The following FKBP1B variants were observed in gnomAD, a reference collection of about 807,000 sequenced individuals.
FKBP1B encodes FKBP prolyl isomerase 1B.
FKBP1B carries 4 observed loss-of-function variants against 13.5 expected under a neutral mutation model. The ratio of observed to expected loss-of-function variants is 0.30; its 90% CI spans 0.15 to 0.68. FKBP1B has a LOEUF of 0.68. Among genes scored for constraint, FKBP1B ranks in the 30% least tolerant of loss-of-function variants. The pLI is 0.76. For missense variants in FKBP1B, 93 were observed against 136.2 expected (o/e 0.68, Z 1.58); for synonymous variants, 54 against 53.6 (o/e 1.01, Z -0.03).
chr2:24,061,986 C>T (rs925185483), intron 3 of FKBP1B, among the ~76,000 whole-genome samples: 3 of 152,134 alleles, frequency 2.0e-5, no homozygotes, highest in Admixed American at 6.5e-5. Context: ...TCTTCTGCCT[C>T]AGCCTCCCTA....
upstream of FKBP1B, among the ~76,000 whole-genome samples, chr2:24,044,889 T>TCCC (rs1663565061): frequency 1.4e-5 from 2 of 145,068 alleles, no homozygotes. Context: ...CCTTGATGAA[T>TCCC]CCCCACATCT....
intron 1 of FKBP1B, among the ~76,000 whole-genome samples, chr2:24,053,287 ATTTTTT>A (rs34185660): frequency 2.7e-5 from 3 of 110,106 alleles, no homozygotes; most frequent in Non-Finnish European, 3.6e-5. Context: ...AATTGAAAAG[ATTTTTT>A]TTTTTTTTTT....
intron 3 of FKBP1B, among the ~76,000 whole-genome samples, chr2:24,062,148 C>T (rs748547612): frequency 2.6e-5 from 4 of 151,830 alleles, no homozygotes; most frequent in South Asian, 2.1e-4. Flanking sequence ...TGCGAGCCAC[C>T]GTGCCCGGCC....
At chr2:24,044,749 C>T (rs1573669821), upstream of FKBP1B, among the ~76,000 whole-genome samples, 1 of 151,082 alleles carries the variant, frequency 6.6e-6, no homozygotes, top group East Asian at 1.9e-4. Flanking sequence ...AAGGAGAGGT[C>T]CCCTTGATAC....
intron 1 of FKBP1B, among the ~76,000 whole-genome samples, chr2:24,052,724 T>A (rs1316912399): frequency 6.6e-6 from 1 of 152,176 alleles, no homozygotes; most frequent in Non-Finnish European, 1.5e-5. Context: ...CTCAGCACTT[T>A]GGGAGGTTGA....
chr2:24,047,652 G>A (rs1298063661), upstream of FKBP1B, among the ~76,000 whole-genome samples: 5 of 152,208 alleles, frequency 3.3e-5, no homozygotes, highest in Admixed American at 3.3e-4. Flanking sequence ...TTAAGCACTT[G>A]AGCTCTTTCC....
chr2:24,052,714 C>T (rs1351924209), intron 1 of FKBP1B, among the ~76,000 whole-genome samples: 1 of 152,142 alleles, frequency 6.6e-6, no homozygotes, highest in African/African-American at 2.4e-5. Context: ...TGCCTATAAT[C>T]TCAGCACTTT....
chr2:24,063,472 CTCT>C lies in FKBP1B; in HGVS notation c.*282_*284del. 1 of 387,522 alleles carries C rather than the reference CTCT, an allele frequency of 2.6e-6. No individual in the cohort carries two copies. Among genetic ancestry groups the C allele is most frequent in the Admixed American group, 4.3e-5 (1 of 23,084 alleles). The allele number at this position is 387,522 out of a possible 1,614,324, so 24.0% of individuals were successfully genotyped here. A position where few individuals can be genotyped will look rare whatever the true frequency, so the allele number is the denominator to read the frequency against. On this transcript the variant is annotated 3_prime_UTR_variant, in exon 4 of 4. Coordinates refer to ENST00000380986, the MANE Select transcript of FKBP1B (RefSeq NM_004116.5). ...CCTTTCCTGATGACAGAACACAGAT[CTCT>C]TGTTCGCACAATCTACACTGCCTTA...
chr2:24,036,474 C>A, the FKBP1B span, among the ~76,000 whole-genome samples: 14 of 152,234 alleles, frequency 9.2e-5, no homozygotes, highest in African/African-American at 2.9e-4. Flanking sequence ...ACATAGCTGG[C>A]GGGCGTGTGA....
intron 2 of FKBP1B, among the ~76,000 whole-genome samples, chr2:24,059,011 A>G (rs1463360333): frequency 2.0e-5 from 3 of 152,202 alleles, no homozygotes; most frequent in African/African-American, 7.2e-5. Context: ...AGATGCTCCT[A>G]CACTAAGCTG....
chr2:24,047,613 G>T (rs536188301), upstream of FKBP1B, among the ~76,000 whole-genome samples: 84 of 152,048 alleles, frequency 5.5e-4, no homozygotes, highest in African/African-American at 2.0e-3. Context: ...TAAAACCACC[G>T]ACCGCAAGCC....
the FKBP1B span, among the ~76,000 whole-genome samples, chr2:24,042,030 T>C: frequency 6.6e-6 from 1 of 152,214 alleles, no homozygotes; most frequent in African/African-American, 2.4e-5. Flanking sequence ...ATACTATCAA[T>C]CAGTGGATAC....
At chr2:24,053,651 G>A (rs1337770508) in intron 1 of FKBP1B, among the ~76,000 whole-genome samples, 1 of 151,984 alleles carries the variant, frequency 6.6e-6, no homozygotes, top group Non-Finnish European at 1.5e-5. Context: ...CAAAGAAAGT[G>A]GGGGTGGGGT....
chr2:24,047,856 C>A (rs114220064), upstream of FKBP1B, among the ~76,000 whole-genome samples: 588 of 152,374 alleles, frequency 3.9e-3, 4 homozygotes, highest in African/African-American at 0.014. Context: ...CGACCCTAAG[C>A]GTGCCTGCTC....
chr2:24,054,161 C>T (rs1664013777), intron 2 of FKBP1B: 1 of 708,654 alleles, frequency 1.4e-6, no homozygotes, highest in Non-Finnish European at 2.6e-6. Context: ...CCTCTTCTAC[C>T]AGCAAGGGCC....
At chr2:24,039,639 G>T in the FKBP1B span, 1 of 746,020 alleles carries the variant, frequency 1.3e-6, no homozygotes, top group Non-Finnish European at 2.1e-6. Context: ...AAGGACAGGG[G>T]GAGTATTATA....
chr2:24,058,994 G>A (rs1375647578), intron 2 of FKBP1B, among the ~76,000 whole-genome samples: 2 of 152,174 alleles, frequency 1.3e-5, no homozygotes, highest in Non-Finnish European at 2.9e-5. Context: ...TTAGGAAGTA[G>A]CATCATAGAT....
At chr2:24,041,165 C>A in the FKBP1B span, among the ~76,000 whole-genome samples, 1 of 151,652 alleles carries the variant, frequency 6.6e-6, no homozygotes, top group Non-Finnish European at 1.5e-5. Context: ...ATGGTGTAAC[C>A]CTGTTTCTAA....
intron 1 of FKBP1B, among the ~76,000 whole-genome samples, chr2:24,052,772 A>G (rs1360097789): frequency 2.0e-5 from 3 of 152,082 alleles, no homozygotes; most frequent in African/African-American, 7.2e-5. Flanking sequence ...TTCAAGGCCA[A>G]CCTGGACAAC....
Sources: allele counts gnomAD v4.1 joint callset (sites outside exome capture counted in the v4.1 genomes callset), GRCh38; gene constraint gnomAD v4.1.1; transcripts MANE v1.5; gene names NCBI Gene and HGNC (gene_info 2026-07-23, HGNC 2026-07-21).